ATM: variants seen among roughly 807,000 people sequenced by gnomAD.
The protein encoded by ATM is ATM serine/threonine kinase.
A neutral mutation model predicts 387.0 loss-of-function variants in ATM; 308 were observed. The observed-to-expected ratio is 0.80, with a 90% CI of 0.73 to 0.87. The LOEUF (loss-of-function observed/expected upper bound fraction) is 0.87. Ranked by LOEUF, ATM falls within the 40% of genes least tolerant of loss-of-function variation. ATM has a pLI of 0.00. For missense variants in ATM, 3,312 were observed against 3,560.9 expected, an observed-to-expected ratio of 0.93 and a Z score of 1.78; for synonymous variants, 1,156 against 1,187.3, an observed-to-expected ratio of 0.97 and a Z score of 0.54.
chr11:108,253,633 T>C (rs1711228510), intron 12 of ATM, among the ~76,000 whole-genome samples, 181 bp from the exon 13 acceptor site: 1 of 152,126 alleles, frequency 6.6e-6, no homozygotes, highest in Admixed American at 6.6e-5. Context: ...ACATTTGATA[T>C]AAGTAGGTCT....
At chr11:108,256,042 A>G (rs2080457476) in intron 13 of ATM, among the ~76,000 whole-genome samples, 173 bp from the exon 14 acceptor site, 1 of 152,134 alleles carries the variant, frequency 6.6e-6, no homozygotes, top group Non-Finnish European at 1.5e-5. Context: ...TCCTGGTTAT[A>G]ATTCTACAGT....
Position 108,365,785 on chromosome 11 carries a change from G to C in ATM, c.*277G>C. 2.3e-6 allele frequency: 1 copy of C among 433,576 alleles called. No homozygotes were observed. Among genetic ancestry groups the C allele is most frequent in the Non-Finnish European group, 4.2e-6 (1 of 236,580 alleles). The allele number at this position is 433,576 out of a possible 1,614,324, so 26.9% of individuals were successfully genotyped here. A position where few individuals can be genotyped will look rare whatever the true frequency, so the allele number is the denominator to read the frequency against. On this transcript the variant is annotated 3_prime_UTR_variant, in exon 63 of 63. Coordinates refer to ENST00000675843, the MANE Select transcript of ATM (RefSeq NM_000051.4). ...TCCCAGCACTTTGGGAGGCCGAGGT[G>C]AGCGGATCACAAGGTCAGGAGTTCG...
At chr11:108,267,672 C>T (rs1053731821) in intron 17 of ATM, among the ~76,000 whole-genome samples, 1 of 152,084 alleles carries the variant, frequency 6.6e-6, no homozygotes, top group Admixed American at 6.5e-5. Flanking sequence ...TCCTGGCTAA[C>T]GTGGTGAAAC....
chr11:108,289,884 G>C, intron 29 of ATM, 83 bp downstream of exon 29: 1 of 1,375,420 alleles, frequency 7.3e-7, no homozygotes, highest in South Asian at 1.2e-5. Context: ...GTTTTGTTTT[G>C]AGACAAAGAC....
At chr11:108,256,102 A>T (rs1202614345) in intron 13 of ATM, 113 bp from the exon 14 acceptor site, 8 of 979,410 alleles carry the variant, frequency 8.2e-6, no homozygotes, top group Non-Finnish European at 1.1e-5. Flanking sequence ...CCTTTAACTC[A>T]GTTAACTGAA....
At chr11:108,293,170 T>C (rs184058206) in intron 30 of ATM, 143 bp from the exon 31 acceptor site, 381 of 624,730 alleles carry the variant, frequency 6.1e-4, no homozygotes, top group South Asian at 8.0e-4. Context: ...ACACAGAAAC[T>C]AAAAGCTGGG....
At position 108,244,805 on chromosome 11, in the gene ATM, C is replaced by A. The variant is rs762998620; in HGVS notation, c.680C>A (p.Ser227Ter). The change falls in exon 7 of 63, where the codon TCA (serine) becomes TAA (stop). Residue 227 changes from serine to a stop codon, truncating the protein, a stop_gained. Transcript: ENST00000675843. LOFTEE classifies it high-confidence loss of function. ...IQCARQEKSSSGLNHILAALT... is the reference protein window; with the variant it reads ...IQCARQEKSS ...CTTCACAGACAAGAAAAGAGCTCTT[C>A]AGGTCTAAATCATATCTTAGCAGCT... The A allele has an allele frequency of 6.2e-7, 1 of 1,613,536 alleles. No homozygotes were observed. Among genetic ancestry groups the A allele is most frequent in the South Asian group, 1.1e-5 (1 of 91,070 alleles).
chr11:108,301,839 T>C (rs1555105884), intron 35 of ATM, 50 bp downstream of exon 35: 2 of 1,592,154 alleles, frequency 1.3e-6, no homozygotes, highest in East Asian at 4.5e-5. Flanking sequence ...TCTAAAACAG[T>C]TCTGTTTGCT....
In ATM at chr11:108,252,003, A is replaced by C; in HGVS notation, c.1774A>C (p.Ser592Arg). The change falls in exon 11 of 63, where the codon AGC becomes CGC. Residue 592 changes from serine (S) to arginine (R), a missense_variant. By Grantham distance (110) the Ser-to-Arg change is moderately radical (BLOSUM62 -1). Coordinates refer to ENST00000675843, the MANE Select transcript of ATM (RefSeq NM_000051.4). ...TCAGTTAGAGGGTGACTTAGAAAATAGCACAGAAGTGCCTCCAATTCTTCA... is the reference window on the plus strand; with the variant it reads ...TCAGTTAGAGGGTGACTTAGAAAATCGCACAGAAGTGCCTCCAATTCTTCA... The part of the protein sequence containing the change: ...FYQLEGDLEN[S>R]TEVPPILHSN... 1.2e-6 allele frequency: 2 copies of C among 1,613,140 alleles called. No individual in the cohort carries two copies. Among genetic ancestry groups the C allele is most frequent in the East Asian group, 4.5e-5 (2 of 44,850 alleles).
At chr11:108,362,480 C>G (rs1465886516) in intron 61 of ATM, among the ~76,000 whole-genome samples, 1 of 150,818 alleles carries the variant, frequency 6.6e-6, no homozygotes, top group Non-Finnish European at 1.5e-5. Flanking sequence ...AATCATGCTG[C>G]TATAAAGACA....
intron 16 of ATM, among the ~76,000 whole-genome samples, chr11:108,263,013 A>C (rs532436129): frequency 5.5e-4 from 84 of 152,290 alleles, no homozygotes; most frequent in Non-Finnish European, 1.0e-3. Context: ...AAACAGACTT[A>C]GACTCCCACA....
rs2086285148 is a variant in ATM at position 108,331,878 on chromosome 11, G to A, written c.7630-1G>A. The A allele has an allele frequency of 6.2e-7, 1 of 1,613,100 alleles. No individual in the cohort carries two copies. Among genetic ancestry groups the A allele is most frequent in the Non-Finnish European group, 8.5e-7 (1 of 1,179,368 alleles). ...TAAATCTAATAGTTCTTTTCTTACA[G>A]CTAATCTCTAGAATTTCAATGGATC... On this transcript the variant is annotated splice_acceptor_variant, in intron 51 of 62. Coordinates refer to ENST00000675843, the MANE Select transcript of ATM (RefSeq NM_000051.4). LOFTEE classifies it high-confidence loss of function.
At chr11:108,259,877 A>T (rs2080754093) in intron 16 of ATM, among the ~76,000 whole-genome samples, 1 of 152,086 alleles carries the variant, frequency 6.6e-6, no homozygotes, top group South Asian at 2.1e-4. Context: ...TCTGTAACTT[A>T]TTTCCATTTT....
At chr11:108,353,734 ACCT>A (rs1415343953) in intron 59 of ATM, 29 bp from the exon 60 acceptor site, 1 of 1,530,338 alleles carries the variant, frequency 6.5e-7, no homozygotes, top group East Asian at 2.2e-5. Context: ...TAGCTGTCAA[ACCT>A]CCTAACTTCA....
rs2080561018 is a variant in ATM at position 108,257,333 on chromosome 11, G to A, written c.2251-148G>A. ...AGTTTTGCTTATACTGTATGACTAC[G>A]TGGAACTTCTAAAAACATTTCATTT... On this transcript the variant is annotated intron_variant, in intron 14 of 62. Transcript: ENST00000675843. 4.1e-6 allele frequency: 4 copies of A among 972,754 alleles called. No homozygotes were observed. The South Asian group carries it at 4.9e-5, about 12-fold the overall frequency. 60.3% of individuals were successfully genotyped at this position (972,754 alleles called of 1,614,324 possible). A position where few individuals can be genotyped will look rare whatever the true frequency, so the allele number is the denominator to read the frequency against.
intron 16 of ATM, among the ~76,000 whole-genome samples, chr11:108,266,402 G>T (rs994641392): frequency 1.3e-5 from 2 of 149,518 alleles, no homozygotes; most frequent in Non-Finnish European, 3.0e-5. Flanking sequence ...ACCAAACACC[G>T]CATGTTCTCA....
chr11:108,260,690 G>T (rs181269642), intron 16 of ATM, among the ~76,000 whole-genome samples: 1 of 152,180 alleles, frequency 6.6e-6, no homozygotes, highest in Non-Finnish European at 1.5e-5. Context: ...CGTGAACGAC[G>T]CAGAAGACGG....
intron 17 of ATM, among the ~76,000 whole-genome samples, chr11:108,267,827 C>G (rs1010490553): frequency 2.6e-5 from 4 of 152,206 alleles, no homozygotes; most frequent in Non-Finnish European, 5.9e-5. Flanking sequence ...CACTGCATTC[C>G]AGCCTGGGCG....
At position 108,259,071 on chromosome 11, in the gene ATM, G is replaced by C. The variant is rs1555076748; in HGVS notation, c.2462G>C (p.Ser821Thr). ...LMNDIADICKSLASFIKKPFD... is the reference protein window; with the variant it reads ...LMNDIADICKTLASFIKKPFD... The stretch of plus-strand genomic sequence containing the variant: ...AATGACATTGCAGATATTTGTAAAA[G>C]TTTAGTAAGTATGCTTCCTGTTTTG... Residue 821 changes from serine to threonine, a missense_variant, in exon 16 of 63, where the codon AGT becomes ACT. Coordinates refer to ENST00000675843, the MANE Select transcript of ATM (RefSeq NM_000051.4). The C allele has an allele frequency of 6.2e-7, 1 of 1,611,228 alleles. No individual in the cohort carries two copies. The highest frequency in any genetic ancestry group is 1.7e-5 in the Admixed American group (1 of 60,008).
Sources: gnomAD v4.1 joint callset for allele counts (sites outside exome capture counted in the v4.1 genomes callset) on GRCh38, gnomAD v4.1.1 for gene constraint, MANE v1.5 for transcripts, NCBI Gene and HGNC (gene_info 2026-07-23, HGNC 2026-07-21) for gene names.